ITGA3: variants seen among roughly 807,000 people sequenced by gnomAD.
ITGA3 encodes integrin subunit alpha 3, also known as integrin alpha-3.
In ITGA3, 70 loss-of-function variants were observed where a neutral mutation model predicts 131.1. That is an observed-to-expected ratio of 0.53 (90% CI 0.44 to 0.65). The LOEUF is 0.65. Among genes scored for constraint, ITGA3 ranks in the 30% least tolerant of loss-of-function variants. ITGA3 has a pLI of 0.00. For synonymous variants in ITGA3, 537 were observed against 571.6 expected, an observed-to-expected ratio of 0.94 and a Z score of 0.86; for missense variants, 1,098 against 1,388.6, an observed-to-expected ratio of 0.79 and a Z score of 3.33.
intron 22 of ITGA3, 25 bp from the exon 23 acceptor site, chr17:50,081,285 T>G: frequency 6.7e-7 from 1 of 1,500,192 alleles, no homozygotes; most frequent in Non-Finnish European, 9.1e-7. Flanking sequence ...AGTGTTCCCC[T>G]TGACCCACCC....
intron 10 of ITGA3, 44 bp downstream of exon 10, chr17:50,074,578 G>A (rs1229563710): frequency 7.3e-7 from 1 of 1,371,686 alleles, no homozygotes; most frequent in South Asian, 1.2e-5. Flanking sequence ...TTTATAGGGA[G>A]GCTAGGAGGG....
At chr17:50,088,999 A>G in intron 25 of ITGA3, 111 bp from the exon 26 acceptor site, 1 of 789,762 alleles carries the variant, frequency 1.3e-6, no homozygotes, top group Admixed American at 2.0e-5. Context: ...GTTTCGGTCA[A>G]GAGTTCTGGC....
chr17:50,071,430 G>C lies in ITGA3; in HGVS notation c.871G>C (p.Asp291His). 6.2e-7 allele frequency: 1 copy of C among 1,614,094 alleles called. No homozygotes were observed. The highest frequency in any genetic ancestry group is 2.2e-5 in the East Asian group (1 of 44,878). The change falls in exon 6 of 26, where the codon GAC becomes CAC. Residue 291 changes from aspartate to histidine, a missense_variant. Physicochemically the swap from Asp to His is moderately conservative, Grantham distance 81. Coordinates refer to ENST00000320031, the MANE Select transcript of ITGA3 (RefSeq NM_002204.4). ...CTTGCTGAGCCAGGAGGCAGGCGGA[G>C]ACCTGCGGAGGAGGCAGGTGCTGGA... The part of the protein sequence containing the change: ...VFLLSQEAGG[D>H]LRRRQVLEGS...
In ITGA3 at chr17:50,078,038, T is replaced by G. The variant is rs1298031037; in HGVS notation, c.2140-8T>G. 6.2e-7 allele frequency: 1 copy of G among 1,608,286 alleles called. No individual in the cohort carries two copies. Among genetic ancestry groups the G allele is most frequent in the Non-Finnish European group, 8.5e-7 (1 of 1,175,448 alleles). ...TGCCACTCTCTGCCTCCCTGACCCT[T>G]GTGGCAGATGGAGCTGCTCATCGCC... On this transcript the variant is annotated splice_polypyrimidine_tract_variant and splice_region_variant and intron_variant, in intron 16 of 25. Coordinates refer to ENST00000320031, the MANE Select transcript of ITGA3 (RefSeq NM_002204.4).
intron 23 of ITGA3, among the ~76,000 whole-genome samples, chr17:50,081,657 G>A (rs1157749815): frequency 6.6e-6 from 1 of 152,184 alleles, no homozygotes; most frequent in East Asian, 1.9e-4. Flanking sequence ...CCAGGGCTGA[G>A]AACCACTGCA....
intron 1 of ITGA3, among the ~76,000 whole-genome samples, chr17:50,058,941 A>G (rs1402593230): frequency 6.6e-6 from 1 of 152,212 alleles, no homozygotes; most frequent in Non-Finnish European, 1.5e-5. Flanking sequence ...GACTCCCTGA[A>G]AGTGTACCCA....
At chr17:50,087,488 TG>T (rs760451702) in intron 23 of ITGA3, 24 of 426,712 alleles carry the variant, frequency 5.6e-5, no homozygotes, top group Non-Finnish European at 1.0e-4. Context: ...CCCAGATGTG[TG>T]GGTCACACAC....
chr17:50,062,872 C>T (rs975220559), intron 1 of ITGA3, among the ~76,000 whole-genome samples: 5 of 152,220 alleles, frequency 3.3e-5, no homozygotes, highest in African/African-American at 7.2e-5. Flanking sequence ...GCCTGCCACC[C>T]GAGAAGGCCA....
intron 7 of ITGA3, among the ~76,000 whole-genome samples, chr17:50,072,502 G>A (rs1411001426): frequency 1.3e-5 from 2 of 151,678 alleles, no homozygotes; most frequent in African/African-American, 2.4e-5. Context: ...CAAATCTAGC[G>A]GGTGTAGAGT....
chr17:50,076,332 C>T lies in ITGA3; in HGVS notation c.1681C>T (p.Leu561Phe). The change falls in exon 13 of 26, where the codon CTC becomes TTC. Residue 561 changes from leucine (L) to phenylalanine (F), a missense_variant. Around this residue, in one of 3 missense-constraint regions of ITGA3, gnomAD observed 699 missense variants for 829.2 expected, o/e 0.84. Transcript: ENST00000320031. ...QKLELLLMDN[L>F]RDKLRPIIIS... ...GCTCACCCTCTCTCCCCAGGACAAC[C>T]TCCGTGACAAACTCCGCCCCATCAT... 6.2e-7 allele frequency: 1 copy of T among 1,613,532 alleles called. No individual in the cohort carries two copies. The highest frequency in any genetic ancestry group is 1.1e-5 in the South Asian group (1 of 91,042).
chr17:50,080,367 T>A lies in ITGA3; in HGVS notation c.2812T>A (p.Phe938Ile), dbSNP rs1275723652. The A allele has an allele frequency of 3.1e-6, 5 of 1,606,962 alleles. No homozygotes were observed. In the East Asian group the frequency reaches 6.7e-5, roughly 22 times the overall value. ...GAAGGCACGAGTGTGGAACAGCACC[T>A]TCATCGAGGTCAGTGCCTGGGTCTG... ...TVKARVWNST[F>I]IEDYRDFDRV... is the part of the protein sequence containing the mutation. Residue 938 changes from phenylalanine (F) to isoleucine (I), a missense_variant, in exon 22 of 26, where the codon TTC (phenylalanine) becomes ATC (isoleucine). Coordinates refer to ENST00000320031, the MANE Select transcript of ITGA3 (RefSeq NM_002204.4).
intron 23 of ITGA3, among the ~76,000 whole-genome samples, chr17:50,082,072 T>C (rs1909211778): frequency 6.6e-6 from 1 of 152,222 alleles, no homozygotes; most frequent in South Asian, 2.1e-4. Context: ...AGTGTAGTCC[T>C]GAACTCCTGG....
intron 4 of ITGA3, among the ~76,000 whole-genome samples, chr17:50,068,997 G>A (rs1230178409): frequency 2.6e-5 from 4 of 151,646 alleles, no homozygotes; most frequent in Admixed American, 1.3e-4. Context: ...ACAGGTGCCC[G>A]CCACCATGCC....
intron 4 of ITGA3, 134 bp from the exon 5 acceptor site, chr17:50,070,710 A>G: frequency 1.7e-6 from 1 of 573,830 alleles, no homozygotes; most frequent in Non-Finnish European, 3.2e-6. Context: ...TATAAATGGC[A>G]AAATGCTCAC....
rs577798464 is a variant in ITGA3 at position 50,077,297 on chromosome 17, G to A, written c.2071-82G>A. 2.5e-5 allele frequency: 34 copies of A among 1,385,662 alleles called. No individual in the cohort carries two copies. In the South Asian group the frequency reaches 4.0e-4, roughly 16 times the overall value. The allele number at this position is 1,385,662 out of a possible 1,614,324, so 85.8% of individuals were successfully genotyped here. A position where few individuals can be genotyped will look rare whatever the true frequency, so the allele number is the denominator to read the frequency against. Reference sequence around the variant, plus strand: ...GGAGAATCCGGCTCTCAAGCTCTAGGGCTTCTGACCTTGCACCACAGAGGA... The same window carrying A: ...GGAGAATCCGGCTCTCAAGCTCTAGAGCTTCTGACCTTGCACCACAGAGGA... On this transcript the variant is annotated intron_variant, in intron 15 of 25. Coordinates refer to ENST00000320031, the MANE Select transcript of ITGA3 (RefSeq NM_002204.4).
chr17:50,066,592 C>T (rs1225329073), intron 3 of ITGA3, among the ~76,000 whole-genome samples: 2 of 152,010 alleles, frequency 1.3e-5, no homozygotes, highest in South Asian at 4.1e-4. Flanking sequence ...CTGGGCAACA[C>T]GGCAAAATTC....
At chr17:50,078,334 AG>A (rs1288471533) in intron 18 of ITGA3, 50 bp downstream of exon 18, 1 of 1,501,004 alleles carries the variant, frequency 6.7e-7, no homozygotes, top group Admixed American at 1.7e-5. Context: ...TGCCTAAGCT[AG>A]GGTTCCCTAT....
rs780821916 is a variant in ITGA3, at chr17:50,074,137, C to T, written c.1246-7C>T. 1.2e-6 allele frequency: 2 copies of T among 1,612,416 alleles called. No individual in the cohort carries two copies. Among genetic ancestry groups the T allele is most frequent in the Non-Finnish European group, 8.5e-7 (1 of 1,178,670 alleles). On this transcript the variant is annotated splice_region_variant and splice_polypyrimidine_tract_variant and intron_variant, in intron 8 of 25. Transcript: ENST00000320031. ...AGCCTGCCCCCACCACTTTCCCCTG[C>T]CCCCAGGTAATCCATGGAGAGAAGC...
rs113441627 is a variant in ITGA3 at position 50,080,463 on chromosome 17, GGTGTGTGTGT to G, written c.2820+122_2820+131del. The G allele has an allele frequency of 0.018, 9,066 of 500,446 alleles. 51 individuals carry two copies. The highest frequency in any genetic ancestry group is 0.021 in the Non-Finnish European group (5,922 of 285,152). The allele number at this position is 500,446 out of a possible 1,614,324, so 31.0% of individuals were successfully genotyped here. ...AGGGCGAGTCCAGGGTCATAGCATGGGTGTGTGTGTGTGTGTGTGTGTGTGTGTGTGTGTG... is the reference window on the plus strand; with the variant it reads ...AGGGCGAGTCCAGGGTCATAGCATGGGTGTGTGTGTGTGTGTGTGTGTGTG... On this transcript the variant is annotated intron_variant, in intron 22 of 25. Coordinates refer to ENST00000320031, the MANE Select transcript of ITGA3 (RefSeq NM_002204.4).
Sources: gnomAD v4.1 joint callset for allele counts (sites outside exome capture counted in the v4.1 genomes callset) on GRCh38, gnomAD v4.1.1 for gene constraint, gnomAD v4.1.1 regional missense constraint, MANE v1.5 for transcripts, NCBI Gene and HGNC (gene_info 2026-07-23, HGNC 2026-07-21) for gene names.